L3MBTL3: variants seen among roughly 807,000 people sequenced by gnomAD.
The protein encoded by L3MBTL3 is L3MBTL histone methyl-lysine binding protein 3.
In L3MBTL3, 27 loss-of-function variants were observed where a neutral mutation model predicts 102.3. That is an observed-to-expected ratio of 0.26 (90% CI 0.19 to 0.36). L3MBTL3 has a LOEUF of 0.36. L3MBTL3 is among the 10% of genes least tolerant of loss of function. The pLI, the probability that L3MBTL3 is intolerant of heterozygous loss-of-function variation, is 1.00. For synonymous variants in L3MBTL3, 340 were observed against 320.9 expected (o/e 1.06, Z -0.64); for missense variants, 798 against 955.3 (o/e 0.84, Z 2.17).
chr6:130,034,046 C>T (rs1415639241), intron 2 of L3MBTL3, among the ~76,000 whole-genome samples: 1 of 152,178 alleles, frequency 6.6e-6, no homozygotes, highest in Non-Finnish European at 1.5e-5. Context: ...TCTCAGAGGA[C>T]TGGTATCTTC....
intron 16 of L3MBTL3, among the ~76,000 whole-genome samples, chr6:130,087,289 A>G (rs1783745559): frequency 6.6e-6 from 1 of 152,182 alleles, no homozygotes; most frequent in African/African-American, 2.4e-5. Context: ...AGAAAATTTT[A>G]TAAATGCAAG....
intron 2 of L3MBTL3, among the ~76,000 whole-genome samples, chr6:130,031,418 G>A (rs1318326166): frequency 6.6e-6 from 1 of 152,242 alleles, no homozygotes; most frequent in African/African-American, 2.4e-5. Flanking sequence ...TGATAATAGT[G>A]CCAAGGCTAA....
At chr6:130,105,153 G>A (rs966333012) in intron 19 of L3MBTL3, among the ~76,000 whole-genome samples, 1 of 152,058 alleles carries the variant, frequency 6.6e-6, no homozygotes, top group Non-Finnish European at 1.5e-5. Flanking sequence ...TATTAACTGA[G>A]GATGCTATTA....
At chr6:130,114,324 G>A (rs940690333) in intron 19 of L3MBTL3, among the ~76,000 whole-genome samples, 1 of 152,112 alleles carries the variant, frequency 6.6e-6, no homozygotes, top group Admixed American at 6.5e-5. Flanking sequence ...ATTGTAACAG[G>A]ATCTTACTCT....
chr6:130,032,664 T>C (rs768996158), intron 2 of L3MBTL3, among the ~76,000 whole-genome samples: 1 of 152,238 alleles, frequency 6.6e-6, no homozygotes, highest in Non-Finnish European at 1.5e-5. Context: ...GGTTCTGTTA[T>C]TCTTTGCATT....
chr6:130,122,616 T>TA (rs1292449553), intron 20 of L3MBTL3, among the ~76,000 whole-genome samples: 1 of 152,256 alleles, frequency 6.6e-6, no homozygotes, highest in Non-Finnish European at 1.5e-5. Flanking sequence ...TTCGATTATT[T>TA]AAAATGTTTC....
intron 10 of L3MBTL3, among the ~76,000 whole-genome samples, chr6:130,061,292 C>G (rs1781890233): frequency 6.6e-6 from 1 of 152,098 alleles, no homozygotes; most frequent in Non-Finnish European, 1.5e-5. Context: ...GCCATGTTGG[C>G]CAGGCTGGTC....
intron 19 of L3MBTL3, among the ~76,000 whole-genome samples, chr6:130,108,231 G>GTTTTTTT (rs869221525): frequency 3.3e-5 from 3 of 91,052 alleles, no homozygotes; most frequent in Non-Finnish European, 4.2e-5. Flanking sequence ...TTTTTTTTTT[G>GTTTTTTT]TTTTTTTTTT....
At chr6:130,094,802 C>G (rs1784263308) in intron 18 of L3MBTL3, among the ~76,000 whole-genome samples, 1 of 152,030 alleles carries the variant, frequency 6.6e-6, no homozygotes, top group South Asian at 2.1e-4. Flanking sequence ...TATAAATAGT[C>G]AAACATGAGA....
Position 130,139,618 on chromosome 6 carries a change from T to C in L3MBTL3, c.2208T>C (p.Asp736=), listed in dbSNP as rs370934865. 1.9e-6 allele frequency: 3 copies of C among 1,612,720 alleles called. No homozygotes were observed. Among genetic ancestry groups the C allele is most frequent in the Admixed American group, 1.7e-5 (1 of 59,982 alleles). The change falls in exon 23 of 23, where the codon GAT becomes GAC. Residue 736 remains aspartate (D), a synonymous_variant. Coordinates refer to ENST00000361794, the MANE Select transcript of L3MBTL3 (RefSeq NM_032438.4). Reference sequence around the variant, plus strand: ...TTTTTCCCCCATTTTAGCAAATTGATGGAGAAGCATTTCTACTTATGACTC... The same window carrying C: ...TTTTTCCCCCATTTTAGCAAATTGACGGAGAAGCATTTCTACTTATGACTC... ...HGKVFKDEQI[D]GEAFLLMTQT... is the part of the protein sequence containing the mutation.
intron 2 of L3MBTL3, among the ~76,000 whole-genome samples, chr6:130,040,521 C>G (rs1309719141): frequency 6.6e-6 from 1 of 152,124 alleles, no homozygotes; most frequent in Non-Finnish European, 1.5e-5. Flanking sequence ...TATCACCACC[C>G]ATCCACTGCC....
At chr6:130,135,435 A>G (rs1487397594) in intron 22 of L3MBTL3, among the ~76,000 whole-genome samples, 3 of 152,050 alleles carry the variant, frequency 2.0e-5, no homozygotes, top group Admixed American at 6.6e-5. Flanking sequence ...GGAAAATGTC[A>G]TGTTGTCATT....
Position 130,127,110 on chromosome 6 carries a change from C to A in L3MBTL3, c.1966+6152C>A, listed in dbSNP as rs184597274. Among the ~76,000 whole-genome samples the A allele has an allele frequency of 1.8e-3, 277 of 152,306 alleles. 3 individuals are homozygous for A. Among genetic ancestry groups the A allele is most frequent in the Non-Finnish European group, 8.2e-4 (56 of 68,026 alleles). On this transcript the variant is annotated intron_variant, in intron 20 of 22. Coordinates refer to ENST00000361794, the MANE Select transcript of L3MBTL3 (RefSeq NM_032438.4). Reference sequence around the variant, plus strand: ...GTTGGTCTTACTATGTAGATAATGTCTCTTGGGTAATCTCTTGGAGCTGCC... The same window carrying A: ...GTTGGTCTTACTATGTAGATAATGTATCTTGGGTAATCTCTTGGAGCTGCC...
intron 13 of L3MBTL3, among the ~76,000 whole-genome samples, chr6:130,071,500 G>A (rs1250045162): frequency 6.6e-6 from 1 of 151,934 alleles, no homozygotes; most frequent in Admixed American, 6.6e-5. Flanking sequence ...AATCCTTGCA[G>A]TTTTTAGATA....
intron 19 of L3MBTL3, among the ~76,000 whole-genome samples, chr6:130,109,557 G>GT (rs1200316646): frequency 1.3e-5 from 2 of 152,104 alleles, no homozygotes; most frequent in Non-Finnish European, 2.9e-5. Flanking sequence ...GGGGTTGTTT[G>GT]TTTTTTTCTT....
intron 2 of L3MBTL3, among the ~76,000 whole-genome samples, chr6:130,027,147 T>A (rs150121464): frequency 4.6e-4 from 70 of 152,270 alleles, no homozygotes; most frequent in African/African-American, 1.7e-3. Flanking sequence ...ATTATATCTC[T>A]CTGTTATATG....
intron 19 of L3MBTL3, among the ~76,000 whole-genome samples, chr6:130,112,657 C>T (rs1372545936): frequency 3.3e-5 from 5 of 152,100 alleles, no homozygotes; most frequent in Admixed American, 6.5e-5. Flanking sequence ...TATCTCAGAA[C>T]ATTTGTACCC....
At position 130,117,652 on chromosome 6, in the gene L3MBTL3, C is replaced by T. The variant is rs1582609087; in HGVS notation, c.1887-3227C>T. Reference sequence around the variant, plus strand: ...CCAGAATTTGCGTAATGAAATTCTACCTTATAGTAGAGAGAAATAATGGTT... The same window carrying T: ...CCAGAATTTGCGTAATGAAATTCTATCTTATAGTAGAGAGAAATAATGGTT... On this transcript the variant is annotated intron_variant, in intron 19 of 22. Coordinates refer to ENST00000361794, the MANE Select transcript of L3MBTL3 (RefSeq NM_032438.4). 1.3e-5 allele frequency among the ~76,000 whole-genome samples: 2 copies of T among 152,194 alleles called. 1 individual carries two copies. Among genetic ancestry groups the T allele is most frequent in the East Asian group, 3.9e-4 (2 of 5,186 alleles).
intron 7 of L3MBTL3, among the ~76,000 whole-genome samples, chr6:130,053,776 A>G (rs996013160): frequency 6.6e-6 from 1 of 152,230 alleles, no homozygotes; most frequent in Non-Finnish European, 1.5e-5. Context: ...ATGGTTTTAT[A>G]GGAAAAGGGA....
Sources: allele counts gnomAD v4.1 joint callset (sites outside exome capture counted in the v4.1 genomes callset), GRCh38; gene constraint gnomAD v4.1.1; transcripts MANE v1.5; gene names NCBI Gene and HGNC (gene_info 2026-07-23, HGNC 2026-07-21).